The following SULT6B1 variants were observed in gnomAD, a reference collection of about 807,000 sequenced individuals.
SULT6B1 encodes sulfotransferase 6B1.
In SULT6B1, 44 loss-of-function variants were observed where a neutral mutation model predicts 37.2. That is an observed-to-expected ratio of 1.18 (90% CI 0.93 to 1.52). The LOEUF (loss-of-function observed/expected upper bound fraction) is 1.52, where lower values mean the gene tolerates loss of function less well. Ranked by LOEUF, SULT6B1 falls within the 40% of genes most tolerant of loss-of-function variation. The pLI, the probability that SULT6B1 is intolerant of heterozygous loss-of-function variation, is 0.00. For missense variants in SULT6B1, 450 were observed against 361.0 expected (o/e 1.25, Z -2.00); for synonymous variants, 140 against 126.0 (o/e 1.11, Z -0.74).
chr2:37,182,059 C>T (rs750987652), intron 3 of SULT6B1, among the ~76,000 whole-genome samples: 2 of 152,078 alleles, frequency 1.3e-5, no homozygotes, highest in Non-Finnish European at 2.9e-5. Flanking sequence ...TCTTGTATCA[C>T]AGCCACAAAG....
chr2:37,194,503 A>G, intron 1 of SULT6B1: 1 of 387,646 alleles, frequency 2.6e-6, no homozygotes, highest in Non-Finnish European at 5.0e-6. Context: ...GGTACGGGAC[A>G]TTCCTTATTC....
At chr2:37,191,986 C>T (rs1443213918), upstream of SULT6B1, among the ~76,000 whole-genome samples, 1 of 152,178 alleles carries the variant, frequency 6.6e-6, no homozygotes, top group Non-Finnish European at 1.5e-5. Flanking sequence ...CGTGGCATGG[C>T]CGGCCCAGCA....
intron 3 of SULT6B1, among the ~76,000 whole-genome samples, chr2:37,180,348 GT>G (rs1292084430): frequency 1.3e-5 from 2 of 152,184 alleles, no homozygotes; most frequent in African/African-American, 4.8e-5. Context: ...ATTTTGCAAA[GT>G]GCAGATTTGT....
chr2:37,195,619 C>T (rs1319604342), intron 1 of SULT6B1, among the ~76,000 whole-genome samples: 1 of 152,180 alleles, frequency 6.6e-6, no homozygotes, highest in Non-Finnish European at 1.5e-5. Context: ...GTAAATACCC[C>T]TAACTAGACT....
intron 4 of SULT6B1, among the ~76,000 whole-genome samples, chr2:37,176,030 C>T (rs992807857): frequency 6.6e-6 from 1 of 152,074 alleles, no homozygotes; most frequent in African/African-American, 2.4e-5. Context: ...CATTCAAGTC[C>T]CATTTCAAGT....
At chr2:37,171,014 G>A (rs527381326) in intron 6 of SULT6B1, among the ~76,000 whole-genome samples, 9 of 152,120 alleles carry the variant, frequency 5.9e-5, no homozygotes, top group East Asian at 5.8e-4. Flanking sequence ...CAAGGCGGGC[G>A]GATCACAAGT....
chr2:37,192,656 A>G (rs752983629), upstream of SULT6B1, among the ~76,000 whole-genome samples: 3 of 152,246 alleles, frequency 2.0e-5, no homozygotes, highest in Admixed American at 6.5e-5. Flanking sequence ...TATCCCTTAC[A>G]TTACAAAAAG....
At chr2:37,195,239 C>T (rs191325099) in intron 1 of SULT6B1, among the ~76,000 whole-genome samples, 2 of 152,114 alleles carry the variant, frequency 1.3e-5, no homozygotes, top group South Asian at 4.1e-4. Context: ...TGTGAGCCAC[C>T]GCACCAAGCC....
chr2:37,183,473 G>A lies in SULT6B1; in HGVS notation c.354C>T (p.His118=), dbSNP rs529243641. The change falls in exon 3 of 7, where the codon CAC becomes CAT. Residue 118 remains histidine (H), a synonymous_variant. Transcript: ENST00000535679. ...GFPSPRILAT[H]LHYDKLPGSI... Reference sequence around the variant, plus strand: ...ACCCAGGTAATTTGTCATAGTGGAGGTGAGTTGCCAAAATCCTTGGTGATG... The same window carrying A: ...ACCCAGGTAATTTGTCATAGTGGAGATGAGTTGCCAAAATCCTTGGTGATG... The A allele has an allele frequency of 4.3e-6, 7 of 1,614,136 alleles. No individual in the cohort carries two copies. The South Asian group carries it at 7.7e-5, about 18-fold the overall frequency.
intron 4 of SULT6B1, among the ~76,000 whole-genome samples, chr2:37,177,671 A>G (rs983493829): frequency 6.6e-6 from 1 of 152,102 alleles, no homozygotes; most frequent in Non-Finnish European, 1.5e-5. Flanking sequence ...ACAGTTAATG[A>G]TTTTATACCA....
intron 1 of SULT6B1, among the ~76,000 whole-genome samples, chr2:37,195,015 T>C (rs1256396211): frequency 1.3e-5 from 2 of 151,690 alleles, no homozygotes; most frequent in African/African-American, 2.4e-5. Flanking sequence ...AGTGGCACGA[T>C]CTTGGCTCAC....
At chr2:37,173,257 C>T (rs1452339801) in intron 5 of SULT6B1, among the ~76,000 whole-genome samples, 1 of 152,132 alleles carries the variant, frequency 6.6e-6, no homozygotes, top group East Asian at 1.9e-4. Context: ...ATGCTTTCTC[C>T]ACAGGATTCT....
upstream of SULT6B1, among the ~76,000 whole-genome samples, chr2:37,190,498 T>C (rs1676759591): frequency 6.6e-6 from 1 of 152,222 alleles, no homozygotes; most frequent in South Asian, 2.1e-4. Flanking sequence ...AACGATCTGA[T>C]GTAATTTCCT....
intron 4 of SULT6B1, among the ~76,000 whole-genome samples, chr2:37,178,479 G>A (rs977701379): frequency 6.6e-5 from 10 of 152,126 alleles, no homozygotes; most frequent in South Asian, 6.2e-4. Context: ...CGAGTCATCC[G>A]CCCGCCTCGG....
At chr2:37,175,287 T>G in intron 4 of SULT6B1, 61 bp from the exon 5 acceptor site, 1 of 885,160 alleles carries the variant, frequency 1.1e-6, no homozygotes, top group Non-Finnish European at 1.7e-6. Flanking sequence ...AAATGATCAT[T>G]AATTTATGCT....
upstream of SULT6B1, among the ~76,000 whole-genome samples, chr2:37,189,043 C>T (rs938823257): frequency 3.3e-5 from 5 of 152,022 alleles, no homozygotes; most frequent in Non-Finnish European, 5.9e-5. Flanking sequence ...CACACATATC[C>T]TCTGTGGTGT....
chr2:37,185,159 C>T (rs1676644184), intron 2 of SULT6B1, among the ~76,000 whole-genome samples: 1 of 151,798 alleles, frequency 6.6e-6, no homozygotes, highest in African/African-American at 2.4e-5. Context: ...ACTGCATGGC[C>T]AAAAATCATG....
chr2:37,179,673 C>A (rs931255806), intron 3 of SULT6B1, 89 bp from the exon 4 acceptor site: 8 of 1,127,056 alleles, frequency 7.1e-6, no homozygotes, highest in African/African-American at 3.1e-5. Flanking sequence ...CATGTCCACT[C>A]GTATATTACA....
chr2:37,167,993 C>G lies in SULT6B1; in HGVS notation c.854G>C (p.Cys285Ser), dbSNP rs1189047873. Residue 285 changes from cysteine (C) to serine (S), a missense_variant, in exon 7 of 7, where the codon TGC becomes TCC. Coordinates refer to ENST00000535679, the MANE Select transcript of SULT6B1 (RefSeq NM_001367551.1). ...TGCTCCGAGGGAGGTGCCTGCTAAG[C>G]ACTCTTTGAATTTTTCATCCATTTC... ...NQEMDEKFKE[C>S]LAGTSLGAKL... The G allele has an allele frequency of 6.2e-7, 1 of 1,601,528 alleles. No homozygotes were observed. The highest frequency in any genetic ancestry group is 1.3e-5 in the African/African-American group (1 of 74,194).
Sources: gnomAD v4.1 joint callset for allele counts (sites outside exome capture counted in the v4.1 genomes callset) on GRCh38, gnomAD v4.1.1 for gene constraint, MANE v1.5 for transcripts, NCBI Gene and HGNC (gene_info 2026-07-23, HGNC 2026-07-21) for gene names.